Variants in DSG1 observed in about 807,000 individuals in gnomAD.
The protein encoded by DSG1 is desmoglein 1.
A neutral mutation model predicts 97.5 loss-of-function variants in DSG1; 39 were observed. The ratio of observed to expected loss-of-function variants is 0.40; its 90% confidence interval spans 0.31 to 0.52. DSG1 has a LOEUF of 0.52. Ranked by LOEUF, DSG1 falls within the 20% of genes least tolerant of loss-of-function variation. The pLI, the probability that DSG1 is intolerant of heterozygous loss-of-function variation, is 0.53. For synonymous variants in DSG1, 475 were observed against 443.4 expected (o/e 1.07, Z -0.90); for missense variants, 1,311 against 1,295.4 (o/e 1.01, Z -0.18).
chr18:31,327,068 G>C (rs2071690226), intron 3 of DSG1, 63 bp downstream of exon 3: 2 of 1,584,876 alleles, frequency 1.3e-6, no homozygotes, highest in Admixed American at 1.7e-5. Context: ...AAAAGAAACT[G>C]TCTGCTAAAT....
Position 31,329,962 on chromosome 18 carries a change from T to G in DSG1, c.443T>G (p.Leu148Trp), listed in dbSNP as rs768496503. Residue 148 changes from leucine (L) to tryptophan (W), a missense_variant, in exon 5 of 15, where the codon TTG becomes TGG. Physicochemically the swap from Leu to Trp is moderately conservative, Grantham distance 61 (BLOSUM62 -2). Coordinates refer to ENST00000257192, the MANE Select transcript of DSG1 (RefSeq NM_001942.4). ...CCTCTAGAGCTCAGAGTCAGGGTTT[T>G]GGATATAAATGACAACCCTCCAGTG... ...ERPLELRVRV[L>W]DINDNPPVFS... 2 of 1,613,378 alleles carry G rather than the reference T, an allele frequency of 1.2e-6. No individual in the cohort carries two copies. Among genetic ancestry groups the G allele is most frequent in the Non-Finnish European group, 1.7e-6 (2 of 1,179,418 alleles).
In DSG1 at chr18:31,354,883, A is replaced by G; in HGVS notation, c.2687A>G (p.Glu896Gly). 6.2e-7 allele frequency: 1 copy of G among 1,614,196 alleles called. No homozygotes were observed. Among genetic ancestry groups the G allele is most frequent in the Non-Finnish European group, 8.5e-7 (1 of 1,180,032 alleles). The change falls in exon 15 of 15, where the codon GAA (glutamate) becomes GGA (glycine). Residue 896 changes from glutamate (E) to glycine (G), a missense_variant. This residue lies in a region of DSG1 where 1,038 missense variants were observed against 964.6 expected (regional missense o/e 1.08). Coordinates refer to ENST00000257192, the MANE Select transcript of DSG1 (RefSeq NM_001942.4). ...LRDGSNVIVT[E>G]RVIAPSSSLP... is the part of the protein sequence containing the mutation. ...GATGGGTCGAATGTTATAGTGACAGAAAGGGTAATAGCACCAAGCTCTAGT... is the reference window on the plus strand; with the variant it reads ...GATGGGTCGAATGTTATAGTGACAGGAAGGGTAATAGCACCAAGCTCTAGT...
At chr18:31,347,628 C>A (rs749846638) in intron 14 of DSG1, 4 of 152,148 alleles carry the variant, frequency 2.6e-5, no homozygotes, top group Non-Finnish European at 5.9e-5. Context: ...TCCACTATTA[C>A]GAACAACAAA....
chr18:31,347,820 T>C (rs1356314786), intron 14 of DSG1: 2 of 152,090 alleles, frequency 1.3e-5, no homozygotes, highest in Non-Finnish European at 2.9e-5. Flanking sequence ...ATTCACTCCA[T>C]CTGAAGGAAA....
intron 5 of DSG1, among the ~76,000 whole-genome samples, chr18:31,330,264 T>C (rs1003507068): frequency 6.6e-6 from 1 of 152,138 alleles, no homozygotes; most frequent in Non-Finnish European, 1.5e-5. Context: ...GCCAGCCCTG[T>C]AGAAGAGTCC....
In DSG1 at chr18:31,355,599, T is replaced by C; in HGVS notation, c.*253T>C. 1 of 522,930 alleles carries C rather than the reference T, an allele frequency of 1.9e-6. No homozygotes were observed. The highest frequency in any genetic ancestry group is 2.2e-5 in the South Asian group (1 of 45,758). 32.4% of individuals were successfully genotyped at this position (522,930 alleles called of 1,614,324 possible). Reference sequence around the variant, plus strand: ...AGGCAGAGTCTTCTTTGTGCCTGAGTGGCCTGTAGTCCATCTCCAGCATGT... The same window carrying C: ...AGGCAGAGTCTTCTTTGTGCCTGAGCGGCCTGTAGTCCATCTCCAGCATGT... On this transcript the variant is annotated 3_prime_UTR_variant, in exon 15 of 15. Coordinates refer to ENST00000257192, the MANE Select transcript of DSG1 (RefSeq NM_001942.4).
At chr18:31,333,272 A>AT (rs1187883581) in intron 6 of DSG1, among the ~76,000 whole-genome samples, 1 of 152,170 alleles carries the variant, frequency 6.6e-6, no homozygotes, top group Non-Finnish European at 1.5e-5. Flanking sequence ...CATGCCATAA[A>AT]TTTTTGGTAA....
chr18:31,341,944 G>T (rs1416629705), intron 11 of DSG1, among the ~76,000 whole-genome samples: 3 of 149,026 alleles, frequency 2.0e-5, no homozygotes, highest in East Asian at 2.0e-4. Context: ...TTGTTTTTTT[G>T]TTTTTTTTTG....
chr18:31,320,597 AC>A (rs1440461334), intron 1 of DSG1, among the ~76,000 whole-genome samples: 3 of 152,202 alleles, frequency 2.0e-5, no homozygotes, highest in African/African-American at 7.2e-5. Context: ...CATTGTTCTG[AC>A]AAGTCTCCTG....
chr18:31,341,906 T>C (rs912941370), intron 11 of DSG1, among the ~76,000 whole-genome samples: 16 of 151,246 alleles, frequency 1.1e-4, no homozygotes, highest in African/African-American at 3.9e-4. Context: ...TTGTTTGTTT[T>C]CTGGGTTTTT....
chr18:31,331,980 T>C, intron 6 of DSG1, 113 bp downstream of exon 6: 4 of 1,037,122 alleles, frequency 3.9e-6, no homozygotes, highest in Non-Finnish European at 5.7e-6. Flanking sequence ...TTTACTTGTA[T>C]AACTTTTTCA....
chr18:31,342,037 G>A (rs527716324), intron 11 of DSG1, among the ~76,000 whole-genome samples: 2 of 151,904 alleles, frequency 1.3e-5, no homozygotes, highest in South Asian at 2.1e-4. Context: ...AGGTTCAAGC[G>A]ATTCTCCTGC....
At chr18:31,342,539 A>T (rs2064985185) in intron 11 of DSG1, among the ~76,000 whole-genome samples, 1 of 152,158 alleles carries the variant, frequency 6.6e-6, no homozygotes, top group African/African-American at 2.4e-5. Flanking sequence ...ACCATTTACC[A>T]AGATTAGATT....
Position 31,323,180 on chromosome 18 carries a change from C to T in DSG1, c.49-3401C>T, listed in dbSNP as rs146058244. On this transcript the variant is annotated intron_variant, in intron 1 of 14. Coordinates refer to ENST00000257192, the MANE Select transcript of DSG1 (RefSeq NM_001942.4). Reference sequence around the variant, plus strand: ...AAACAGCTGAGATATACTCAGTCAGCCTGATAACCTCTGTGTTCATCTCTA... The same window carrying T: ...AAACAGCTGAGATATACTCAGTCAGTCTGATAACCTCTGTGTTCATCTCTA... Among the ~76,000 whole-genome samples the T allele has an allele frequency of 1.2e-3, 187 of 152,314 alleles. No homozygotes were observed. In the Middle Eastern group the frequency reaches 0.02, roughly 17 times the overall value.
intron 11 of DSG1, among the ~76,000 whole-genome samples, chr18:31,340,972 TA>T (rs2071785574): frequency 6.6e-6 from 1 of 152,214 alleles, no homozygotes; most frequent in African/African-American, 2.4e-5. Flanking sequence ...ATACTTACCT[TA>T]AAACAGTGCT....
chr18:31,318,716 A>T (rs2071635265), intron 1 of DSG1, among the ~76,000 whole-genome samples: 1 of 132,132 alleles, frequency 7.6e-6, no homozygotes, highest in South Asian at 2.8e-4. Context: ...CTGGATTTTT[A>T]ACCTGTTTTT....
intron 11 of DSG1, 113 bp downstream of exon 11, chr18:31,340,138 T>C: frequency 8.2e-7 from 1 of 1,216,594 alleles, no homozygotes; most frequent in Non-Finnish European, 1.2e-6. Flanking sequence ...TTTTGTGCAA[T>C]TATAAAGAAA....
At chr18:31,319,219 C>G (rs534485763) in intron 1 of DSG1, among the ~76,000 whole-genome samples, 2 of 152,240 alleles carry the variant, frequency 1.3e-5, no homozygotes, top group South Asian at 4.1e-4. Flanking sequence ...AAATTGTAAT[C>G]TCTCTCATAG....
intron 14 of DSG1, among the ~76,000 whole-genome samples, chr18:31,352,481 G>A (rs2071906852): frequency 6.7e-6 from 1 of 150,328 alleles, no homozygotes; most frequent in African/African-American, 2.5e-5. Flanking sequence ...TATCTTTGTG[G>A]CATTCTCTGT....
Sources: allele counts gnomAD v4.1 joint callset (sites outside exome capture counted in the v4.1 genomes callset), GRCh38; gene constraint gnomAD v4.1.1; regional missense constraint gnomAD v4.1.1; transcripts MANE v1.5; gene names NCBI Gene and HGNC (gene_info 2026-07-23, HGNC 2026-07-21).